The following PRKN variants were observed in gnomAD, a reference collection of about 807,000 sequenced individuals.
PRKN encodes parkin RBR E3 ubiquitin protein ligase.
A neutral mutation model predicts 59.5 loss-of-function variants in PRKN; 56 were observed. The ratio of observed to expected loss-of-function variants is 0.94; its 90% CI spans 0.76 to 1.18. The LOEUF is 1.18. Among genes scored for constraint, PRKN ranks in the 50% most tolerant of loss-of-function variants. The probability of loss-of-function intolerance (pLI) is 0.00; values close to 1 mark genes in which losing one functional copy is unlikely to be tolerated. For synonymous variants in PRKN, 250 were observed against 222.1 expected (o/e 1.13, Z -1.12); for missense variants, 657 against 596.4 (o/e 1.10, Z -1.06).
chr6:162,671,286 G>A (rs1000872478), intron 1 of PRKN, among the ~76,000 whole-genome samples: 6 of 152,074 alleles, frequency 3.9e-5, no homozygotes, highest in Admixed American at 6.5e-5. Context: ...GGATCACAAG[G>A]TCAGGAGATC....
chr6:161,422,500 G>C (rs1176828369), intron 9 of PRKN, among the ~76,000 whole-genome samples: 3 of 151,990 alleles, frequency 2.0e-5, no homozygotes, highest in African/African-American at 7.2e-5. Context: ...TGCCTGGCCA[G>C]ACAACACAAA....
chr6:161,714,171 A>G (rs1456044759), intron 7 of PRKN, among the ~76,000 whole-genome samples: 3 of 152,194 alleles, frequency 2.0e-5, no homozygotes, highest in South Asian at 2.1e-4. Flanking sequence ...ATAGATGACA[A>G]GCAACTATGG....
chr6:162,053,097 C>T lies in PRKN; in HGVS notation c.618+994G>A, dbSNP rs576456752. ...GAGTGACATACAAGTCATTATCTTT[C>T]TTCAGGATTTGGATGAATAAAAATC... On this transcript the variant is annotated intron_variant, in intron 5 of 11. Transcript: ENST00000366898. Among the ~76,000 whole-genome samples, 3 of 152,256 alleles carry T rather than the reference C, an allele frequency of 2.0e-5. No individual in the cohort carries two copies. The South Asian group carries it at 6.2e-4, about 32-fold the overall frequency.
chr6:161,850,881 A>G (rs868013125), intron 6 of PRKN, among the ~76,000 whole-genome samples: 125 of 152,330 alleles, frequency 8.2e-4, no homozygotes, highest in Non-Finnish European at 6.9e-4. Context: ...TTCCAATGCT[A>G]TAACCACTTG....
At chr6:161,418,837 T>C (rs1420043975) in intron 9 of PRKN, among the ~76,000 whole-genome samples, 1 of 152,196 alleles carries the variant, frequency 6.6e-6, no homozygotes, top group Non-Finnish European at 1.5e-5. Context: ...GTACCTCAGA[T>C]CTAACTGCCT....
chr6:162,192,001 T>C (rs972526573), intron 4 of PRKN, among the ~76,000 whole-genome samples: 4 of 152,170 alleles, frequency 2.6e-5, no homozygotes, highest in Admixed American at 1.3e-4. Flanking sequence ...ACATGATACA[T>C]ACATGTAACT....
chr6:161,938,634 G>A (rs1382948236), intron 6 of PRKN, among the ~76,000 whole-genome samples: 2 of 152,152 alleles, frequency 1.3e-5, no homozygotes, highest in African/African-American at 4.8e-5. Context: ...TTTGAAGGAC[G>A]TTGAAACGAA....
intron 7 of PRKN, among the ~76,000 whole-genome samples, chr6:161,636,963 C>A (rs79474231): frequency 6.6e-6 from 1 of 152,152 alleles, no homozygotes; most frequent in Non-Finnish European, 1.5e-5. Context: ...AAAAAGAACA[C>A]CTGTTACCAA....
At chr6:161,520,226 ATTTT>A (rs56073676) in intron 9 of PRKN, among the ~76,000 whole-genome samples, 2 of 131,350 alleles carry the variant, frequency 1.5e-5, no homozygotes, top group South Asian at 4.9e-4. Context: ...CTCTCTATGC[ATTTT>A]TTTTTTTTTT....
chr6:161,541,380 C>G (rs1399010285), intron 9 of PRKN, among the ~76,000 whole-genome samples: 1 of 152,208 alleles, frequency 6.6e-6, no homozygotes, highest in East Asian at 1.9e-4. Flanking sequence ...CACACAGAAA[C>G]AATGCAATCT....
chr6:162,374,665 T>C (rs554751049), intron 2 of PRKN, among the ~76,000 whole-genome samples: 78 of 152,230 alleles, frequency 5.1e-4, no homozygotes, highest in African/African-American at 1.9e-3. Flanking sequence ...GTGTGTCTTA[T>C]ATGTTACAGT....
At position 161,560,511 on chromosome 6, in the gene PRKN, C is replaced by G. The variant is rs1311557027; in HGVS notation, c.933+8844G>C. 1.3e-5 allele frequency among the ~76,000 whole-genome samples: 2 copies of G among 152,112 alleles called. No individual in the cohort carries two copies. Among genetic ancestry groups the G allele is most frequent in the Non-Finnish European group, 2.9e-5 (2 of 68,006 alleles). On this transcript the variant is annotated intron_variant, in intron 8 of 11. Transcript: ENST00000366898. This position sits in a 1 kb window ranked among gnomAD's most constrained non-coding sequence, Gnocchi z 4.9. ...TTGAAGACTGTAGCTTCAGGCTGTT[C>G]TCACCTTTTCTCCGATTCTTGTCAT...
chr6:162,489,670 T>G (rs1554229993), intron 1 of PRKN, among the ~76,000 whole-genome samples: 1 of 152,300 alleles, frequency 6.6e-6, no homozygotes, highest in East Asian at 1.9e-4. Context: ...CAGGAATAAC[T>G]TTCCCACCCC....
At chr6:162,080,083 GT>G (rs1233189334) in intron 4 of PRKN, among the ~76,000 whole-genome samples, 1 of 152,054 alleles carries the variant, frequency 6.6e-6, no homozygotes, top group Non-Finnish European at 1.5e-5. Flanking sequence ...AAGTTTCTCA[GT>G]TTCAAATGAA....
chr6:162,608,784 G>A (rs950807701), intron 1 of PRKN, among the ~76,000 whole-genome samples: 1 of 152,142 alleles, frequency 6.6e-6, no homozygotes, highest in African/African-American at 2.4e-5. Flanking sequence ...GCTGGTTATG[G>A]AGTGGAAGTC....
rs759137723 is a variant in PRKN, at chr6:161,360,108, T to C, written c.1265A>G (p.His422Arg). ...CTCACCATTTTTTTCCACTGGTACA[T>C]GGCAGCGGGGACAGGGCTTGGTGGT... ...KKTTKPCPRC[H>R]VPVEKNGGCM... The change falls in exon 11 of 12, where the codon CAT becomes CGT. Residue 422 changes from histidine to arginine, a missense_variant. His to Arg is a conservative substitution (Grantham distance 29). Transcript: ENST00000366898. The surrounding 1 kb of genome is among the most constrained non-coding windows in gnomAD (Gnocchi z 5.1). The C allele has an allele frequency of 3.1e-6, 5 of 1,613,610 alleles. No individual in the cohort carries two copies. The African/African-American group carries it at 4.0e-5, about 13-fold the overall frequency.
intron 3 of PRKN, among the ~76,000 whole-genome samples, chr6:162,232,534 A>C (rs1231447236): frequency 6.6e-6 from 1 of 152,090 alleles, no homozygotes; most frequent in African/African-American, 2.4e-5. Flanking sequence ...TTTTCCTTTC[A>C]CTTTTCTGAG....
At chr6:162,351,175 A>G (rs1784609211) in intron 2 of PRKN, among the ~76,000 whole-genome samples, 1 of 152,200 alleles carries the variant, frequency 6.6e-6, no homozygotes, top group African/African-American at 2.4e-5. Flanking sequence ...TGGGCCACAG[A>G]GCGAGTCTAC....
chr6:161,824,320 A>G (rs1160687093), intron 6 of PRKN, among the ~76,000 whole-genome samples: 1 of 152,224 alleles, frequency 6.6e-6, no homozygotes, highest in Non-Finnish European at 1.5e-5. Context: ...TGCGATTCTC[A>G]TCAACACCTT....
Sources: gnomAD v4.1 joint callset for allele counts (sites outside exome capture counted in the v4.1 genomes callset) on GRCh38, gnomAD v4.1.1 for gene constraint, Gnocchi (gnomAD v3.1) non-coding constraint, MANE v1.5 for transcripts, NCBI Gene and HGNC (gene_info 2026-07-23, HGNC 2026-07-21) for gene names.